Variants in IKZF3 observed in about 807,000 individuals in gnomAD.
The protein encoded by IKZF3 is IKAROS family zinc finger 3, also known as zinc finger protein Aiolos.
Under a neutral mutation model 49.0 loss-of-function variants are expected in IKZF3, and 10 were observed. The ratio of observed to expected loss-of-function variants is 0.20; its 90% CI spans 0.13 to 0.35. The LOEUF (loss-of-function observed/expected upper bound fraction) is 0.35. Among genes scored for constraint, IKZF3 ranks in the 10% least tolerant of loss-of-function variants. IKZF3 has a pLI of 1.00. For missense variants in IKZF3, 498 were observed against 664.8 expected, an observed-to-expected ratio of 0.75 and a Z score of 2.76; for synonymous variants, 209 against 228.2, an observed-to-expected ratio of 0.92 and a Z score of 0.76.
chr17:39,768,623 T>C (rs2060356628), intron 7 of IKZF3, among the ~76,000 whole-genome samples: 1 of 152,154 alleles, frequency 6.6e-6, no homozygotes, highest in African/African-American at 2.4e-5. Context: ...CGTGTCCTCA[T>C]GTAAAGTGAA....
intron 3 of IKZF3, among the ~76,000 whole-genome samples, chr17:39,801,817 C>A (rs530081810): frequency 3.9e-5 from 6 of 152,190 alleles, no homozygotes; most frequent in African/African-American, 1.4e-4. Context: ...TTTATAAAAT[C>A]TATTATGTTT....
At chr17:39,845,067 C>T (rs994956253) in intron 1 of IKZF3, among the ~76,000 whole-genome samples, 2 of 152,092 alleles carry the variant, frequency 1.3e-5, no homozygotes, top group Admixed American at 1.3e-4. Context: ...TATTGTTGAT[C>T]CCTATGAACG....
At chr17:39,810,830 G>A (rs1409539489) in intron 3 of IKZF3, among the ~76,000 whole-genome samples, 1 of 152,304 alleles carries the variant, frequency 6.6e-6, no homozygotes, top group Admixed American at 6.5e-5. Context: ...GAAGGATAGA[G>A]AGGAAATAAG....
At chr17:39,811,554 C>T (rs2061561736) in intron 3 of IKZF3, among the ~76,000 whole-genome samples, 1 of 152,156 alleles carries the variant, frequency 6.6e-6, no homozygotes, top group Non-Finnish European at 1.5e-5. Context: ...ACTGAAGTTG[C>T]GGACCTGGAA....
At chr17:39,844,104 C>G (rs2062559282) in intron 1 of IKZF3, among the ~76,000 whole-genome samples, 2 of 152,178 alleles carry the variant, frequency 1.3e-5, no homozygotes, top group South Asian at 4.1e-4. Context: ...CCTAACAAAT[C>G]CACAAAAAGT....
At chr17:39,781,203 A>G (rs937476397) in intron 6 of IKZF3, among the ~76,000 whole-genome samples, 1 of 152,226 alleles carries the variant, frequency 6.6e-6, no homozygotes, top group African/African-American at 2.4e-5. Flanking sequence ...TTCCTTTCAC[A>G]CAAAACCACC....
At chr17:39,859,458 G>A (rs796522279) in intron 1 of IKZF3, among the ~76,000 whole-genome samples, 9 of 151,060 alleles carry the variant, frequency 6.0e-5, no homozygotes, top group African/African-American at 1.9e-4. Flanking sequence ...GCATGCTCAT[G>A]GCTCACGGTA....
intron 1 of IKZF3, among the ~76,000 whole-genome samples, chr17:39,857,414 T>C (rs2063092314): frequency 6.6e-6 from 1 of 152,218 alleles, no homozygotes; most frequent in Non-Finnish European, 1.5e-5. Flanking sequence ...TTAAGTGATG[T>C]TCAACAATTT....
chr17:39,821,716 T>C (rs1315890177), intron 3 of IKZF3, among the ~76,000 whole-genome samples: 1 of 152,006 alleles, frequency 6.6e-6, no homozygotes, highest in South Asian at 2.1e-4. Flanking sequence ...CTGCCTCTAA[T>C]GGAAAAAATA....
intron 3 of IKZF3, among the ~76,000 whole-genome samples, chr17:39,807,622 G>A (rs907995023): frequency 1.1e-4 from 16 of 148,120 alleles, no homozygotes; most frequent in Middle Eastern, 3.5e-3. Context: ...TGAGGTGGGA[G>A]GATCACTTGA....
intron 7 of IKZF3, among the ~76,000 whole-genome samples, chr17:39,773,395 G>T (rs951303699): frequency 6.6e-6 from 1 of 152,182 alleles, no homozygotes; most frequent in African/African-American, 2.4e-5. Flanking sequence ...TTGGGAAGGG[G>T]TTGGAAAAAT....
chr17:39,832,812 G>A (rs749087182), intron 1 of IKZF3, among the ~76,000 whole-genome samples: 1 of 152,078 alleles, frequency 6.6e-6, no homozygotes, highest in East Asian at 1.9e-4. Context: ...TGACAGCAGA[G>A]TAGGGTGACT....
rs985011477 is a variant in IKZF3, at chr17:39,762,423, G to T, written c.*3367C>A. The T allele has an allele frequency of 6.6e-6, 1 of 152,204 alleles. No individual in the cohort carries two copies. The highest frequency in any genetic ancestry group is 2.4e-5 in the African/African-American group (1 of 41,442). 9.4% of individuals were successfully genotyped at this position (152,204 alleles called of 1,614,324 possible). A position where few individuals can be genotyped will look rare whatever the true frequency, so the allele number is the denominator to read the frequency against. On this transcript the variant is annotated 3_prime_UTR_variant, in exon 8 of 8. Transcript: ENST00000346872. ...ATGGGCCCCAATCTAGGCTCAGAAT[G>T]CCACAAAGAAAGTGCCTTTGTGAGT...
In IKZF3 at chr17:39,835,036, C is replaced by T. The variant is rs28505218; in HGVS notation, c.8-2885G>A. ...GTCTTGATCTTCTTCACAACCACAG[C>T]CCTAGAGAAGCAGGCACAGCCAAAG... On this transcript the variant is annotated intron_variant, in intron 1 of 7. Coordinates refer to ENST00000346872, the MANE Select transcript of IKZF3 (RefSeq NM_012481.5). 2.0e-3 allele frequency: 806 copies of T among 412,506 alleles called. 4 individuals are homozygous for T. Among genetic ancestry groups the T allele is most frequent in the African/African-American group, 0.015 (735 of 48,094 alleles). The allele number at this position is 412,506 out of a possible 1,614,324, so 25.6% of individuals were successfully genotyped here.
At chr17:39,812,190 T>G (rs2061576351) in intron 3 of IKZF3, among the ~76,000 whole-genome samples, 1 of 152,212 alleles carries the variant, frequency 6.6e-6, no homozygotes, top group Admixed American at 6.5e-5. Flanking sequence ...AGATAAAATT[T>G]CGGGATCCCA....
intron 3 of IKZF3, among the ~76,000 whole-genome samples, chr17:39,824,756 C>A (rs532889407): frequency 6.6e-6 from 1 of 150,748 alleles, no homozygotes; most frequent in African/African-American, 2.4e-5. Flanking sequence ...AGTGCAGTGG[C>A]GTGATCTTGG....
intron 1 of IKZF3, among the ~76,000 whole-genome samples, chr17:39,849,347 A>G (rs2062729907): frequency 6.7e-6 from 1 of 149,866 alleles, no homozygotes; most frequent in African/African-American, 2.5e-5. Flanking sequence ...CAGTATGAAA[A>G]AAGACAACCC....
intron 7 of IKZF3, among the ~76,000 whole-genome samples, chr17:39,771,835 G>A (rs2060450698): frequency 6.6e-6 from 1 of 152,108 alleles, no homozygotes; most frequent in Admixed American, 6.6e-5. Flanking sequence ...AACCTCCTGG[G>A]CTCAAGTGAT....
chr17:39,826,387 C>A (rs1388011078), intron 3 of IKZF3, among the ~76,000 whole-genome samples: 1 of 152,190 alleles, frequency 6.6e-6, no homozygotes, highest in African/African-American at 2.4e-5. Flanking sequence ...CTGTTTGGAA[C>A]ACCACAACTG....
Sources: gnomAD v4.1 joint callset for allele counts (sites outside exome capture counted in the v4.1 genomes callset) on GRCh38, gnomAD v4.1.1 for gene constraint, MANE v1.5 for transcripts, NCBI Gene and HGNC (gene_info 2026-07-23, HGNC 2026-07-21) for gene names.